Variants in CCDC141 observed in about 807,000 individuals in gnomAD.
CCDC141 encodes the protein coiled-coil domain-containing protein 141.
CCDC141 carries 168 observed loss-of-function variants against 181.0 expected under a neutral mutation model. That is an observed-to-expected ratio of 0.93 (90% confidence interval 0.82 to 1.05). The LOEUF is 1.05. CCDC141 is among the 50% of genes least tolerant of loss of function. CCDC141 has a pLI of 0.00. For synonymous variants in CCDC141, 666 were observed against 642.3 expected, an observed-to-expected ratio of 1.04 and a Z score of -0.56; for missense variants, 1,902 against 1,788.5, an observed-to-expected ratio of 1.06 and a Z score of -1.14.
chr2:179,026,781 A>G (rs1047448065), intron 2 of CCDC141, among the ~76,000 whole-genome samples: 5 of 152,358 alleles, frequency 3.3e-5, no homozygotes, highest in African/African-American at 7.2e-5. Flanking sequence ...ACAGGGGTGG[A>G]GCTGCCAAAG....
At chr2:179,002,439 C>T in intron 2 of CCDC141, 1 of 373,318 alleles carries the variant, frequency 2.7e-6, no homozygotes. Context: ...CACCATGACG[C>T]CTCATCACTT....
chr2:178,967,160 C>T (rs1258647783), intron 4 of CCDC141, among the ~76,000 whole-genome samples: 2 of 152,128 alleles, frequency 1.3e-5, no homozygotes, highest in African/African-American at 4.8e-5. Flanking sequence ...GAGAATGGAA[C>T]CAAGTTGGAA....
At chr2:178,991,387 T>C (rs1458792437) in intron 2 of CCDC141, among the ~76,000 whole-genome samples, 2 of 152,194 alleles carry the variant, frequency 1.3e-5, no homozygotes, top group African/African-American at 2.4e-5. Flanking sequence ...TTTTACACTT[T>C]AAAATGGTTA....
At chr2:178,902,386 T>A (rs1198653840) in intron 8 of CCDC141, among the ~76,000 whole-genome samples, 2 of 152,152 alleles carry the variant, frequency 1.3e-5, no homozygotes, top group African/African-American at 4.8e-5. Flanking sequence ...CAAAACAGCA[T>A]TTTACTGGTA....
At chr2:178,821,719 A>G in the CCDC141 span, among the ~76,000 whole-genome samples, 1 of 152,212 alleles carries the variant, frequency 6.6e-6, no homozygotes, top group African/African-American at 2.4e-5. Context: ...ATACCATCTC[A>G]CACCAGTTAG....
intron 8 of CCDC141, among the ~76,000 whole-genome samples, chr2:178,902,287 T>C (rs149968548): frequency 0.27 from 41,535 of 152,038 alleles, 7,532 homozygotes; most frequent in Non-Finnish European, 0.41. Flanking sequence ...AAAAAGAGCC[T>C]GCATCGCCAA....
chr2:178,970,608 T>C (rs975974118), intron 4 of CCDC141, among the ~76,000 whole-genome samples: 1 of 152,058 alleles, frequency 6.6e-6, no homozygotes, highest in South Asian at 2.1e-4. Flanking sequence ...ACACCTTATA[T>C]GAAAATCAAC....
At chr2:178,983,837 G>A (rs1050679502) in intron 2 of CCDC141, among the ~76,000 whole-genome samples, 35 of 151,282 alleles carry the variant, frequency 2.3e-4, no homozygotes, top group African/African-American at 8.3e-4. Flanking sequence ...ATCTACATCT[G>A]ATTGGTGTAC....
intron 2 of CCDC141, among the ~76,000 whole-genome samples, chr2:179,046,646 CT>C (rs1438920836): frequency 6.6e-6 from 1 of 152,190 alleles, no homozygotes; most frequent in African/African-American, 2.4e-5. Context: ...CAAGAAAAAG[CT>C]TTTCCTTGCT....
chr2:178,848,010 C>T (rs7573700), intron 21 of CCDC141, among the ~76,000 whole-genome samples: 130,396 of 152,156 alleles, frequency 0.86, 55,920 homozygotes, highest in East Asian at 0.99. Flanking sequence ...GTCTGTTTTT[C>T]ATAAGGCATC....
At chr2:178,995,250 T>A (rs6730345) in intron 2 of CCDC141, among the ~76,000 whole-genome samples, 129,983 of 152,246 alleles carry the variant, frequency 0.85, 56,445 homozygotes, top group Non-Finnish European at 0.93. Context: ...TGTTCGGAGA[T>A]GCCTCGCAAT....
At chr2:178,988,362 T>G (rs1197597150) in intron 2 of CCDC141, among the ~76,000 whole-genome samples, 1 of 150,520 alleles carries the variant, frequency 6.6e-6, no homozygotes. Flanking sequence ...GAGATATACC[T>G]AATGCTAGAT....
At chr2:179,028,488 T>C (rs2042915966) in intron 2 of CCDC141, among the ~76,000 whole-genome samples, 2 of 152,342 alleles carry the variant, frequency 1.3e-5, no homozygotes, top group South Asian at 4.1e-4. Flanking sequence ...CCAGCACCAC[T>C]GCTCCCCTGA....
At chr2:179,011,564 A>T (rs916442940) in intron 2 of CCDC141, among the ~76,000 whole-genome samples, 3 of 152,202 alleles carry the variant, frequency 2.0e-5, no homozygotes, top group South Asian at 2.1e-4. Context: ...TAGACAGATC[A>T]TCAAGACAGA....
chr2:178,874,870 A>C (rs553466864), intron 12 of CCDC141: 1 of 152,362 alleles, frequency 6.6e-6, no homozygotes, highest in Non-Finnish European at 1.5e-5. Context: ...ACAAAATACC[A>C]GGGGTATATC....
Position 178,830,487 on chromosome 2 carries a change from A to T in CCDC141, c.*3686T>A, listed in dbSNP as rs1211077305. 6.6e-6 allele frequency: 1 copy of T among 152,202 alleles called. No individual in the cohort carries two copies. Among genetic ancestry groups the T allele is most frequent in the African/African-American group, 2.4e-5 (1 of 41,444 alleles). The allele number at this position is 152,202 out of a possible 1,614,324, so 9.4% of individuals were successfully genotyped here. A position where few individuals can be genotyped will look rare whatever the true frequency, so the allele number is the denominator to read the frequency against. ...TTACATTTCCCCTCTCCTCCCTCTA[A>T]AAAGGGGAGAAAAACAAGCTAGGTT... On this transcript the variant is annotated 3_prime_UTR_variant, in exon 24 of 24. Transcript: ENST00000443758.
chr2:178,820,980 C>A, the CCDC141 span, among the ~76,000 whole-genome samples: 1 of 152,144 alleles, frequency 6.6e-6, no homozygotes, highest in African/African-American at 2.4e-5. Context: ...TACCACTATG[C>A]ATTTTTATAA....
intron 6 of CCDC141, among the ~76,000 whole-genome samples, chr2:178,935,054 G>A (rs1046752335): frequency 1.3e-5 from 2 of 152,106 alleles, no homozygotes; most frequent in African/African-American, 4.8e-5. Context: ...CACTATGGAT[G>A]GGAAAGGAAA....
intron 2 of CCDC141, among the ~76,000 whole-genome samples, chr2:179,022,224 A>G (rs1039702629): frequency 6.6e-6 from 1 of 152,166 alleles, no homozygotes; most frequent in East Asian, 1.9e-4. Context: ...AGTGACCGAA[A>G]AAACAGTCCT....
Sources: gnomAD v4.1 joint callset for allele counts (sites outside exome capture counted in the v4.1 genomes callset) on GRCh38, gnomAD v4.1.1 for gene constraint, MANE v1.5 for transcripts, NCBI Gene and HGNC (gene_info 2026-07-23, HGNC 2026-07-21) for gene names.